CATSPER1: variants seen among roughly 807,000 people sequenced by gnomAD.
CATSPER1 encodes the protein cation channel sperm associated 1, also known as cation channel sperm-associated protein 1.
In CATSPER1, 57 loss-of-function variants were observed where a neutral mutation model predicts 72.7. That is an observed-to-expected ratio of 0.78 (90% CI 0.63 to 0.98). The LOEUF (loss-of-function observed/expected upper bound fraction) is 0.98. Among genes scored for constraint, CATSPER1 ranks in the 50% least tolerant of loss-of-function variants. The probability of loss-of-function intolerance (pLI) is 0.00; values close to 1 mark genes in which losing one functional copy is unlikely to be tolerated. For missense variants in CATSPER1, 910 were observed against 1,033.9 expected (o/e 0.88, Z 1.64); for synonymous variants, 363 against 403.0 (o/e 0.90, Z 1.19).
chr11:66,017,259 C>T lies in CATSPER1; in HGVS notation c.2202-85G>A, dbSNP rs1256884244. On this transcript the variant is annotated intron_variant, in intron 10 of 11. Transcript: ENST00000312106. ...ACTGCACCCCAGAACCACCCAGAGG[C>T]TCTTCTTGCCTGCCTCCTCCCCACA... 1.3e-5 allele frequency: 12 copies of T among 907,996 alleles called. No individual in the cohort carries two copies. The East Asian group carries it at 1.8e-4, about 14-fold the overall frequency. The allele number at this position is 907,996 out of a possible 1,614,324, so 56.2% of individuals were successfully genotyped here. A position where few individuals can be genotyped will look rare whatever the true frequency, so the allele number is the denominator to read the frequency against.
In CATSPER1 at chr11:66,021,127, C is replaced by T. The variant is rs368518822; in HGVS notation, c.1750G>A (p.Ala584Thr). 22 of 1,613,154 alleles carry T rather than the reference C, an allele frequency of 1.4e-5. No homozygotes were observed. In the Middle Eastern group the frequency reaches 5.0e-4, roughly 36 times the overall value. Residue 584 changes from alanine to threonine, a missense_variant, in exon 5 of 12, where the codon GCA becomes ACA. Coordinates refer to ENST00000312106, the MANE Select transcript of CATSPER1 (RefSeq NM_053054.4). Reference sequence around the variant, plus strand: ...GTAAACATGAGGATGAGGATGGCTGCGATGGACGGCAAGGACTGGCCCAGG... The same window carrying T: ...GTAAACATGAGGATGAGGATGGCTGTGATGGACGGCAAGGACTGGCCCAGG... ...GTLGQSLPSIAAILILMFTCL... is the reference protein window; with the variant it reads ...GTLGQSLPSITAILILMFTCL...
chr11:66,021,394 C>T lies in CATSPER1; in HGVS notation c.1691+102G>A. ...GGCTGGGGTCAGCAGCCTCCTGCGC[C>T]CCCATCCCTTGAGCAGGTCACAGTG... On this transcript the variant is annotated intron_variant, in intron 4 of 11. Coordinates refer to ENST00000312106, the MANE Select transcript of CATSPER1 (RefSeq NM_053054.4). The T allele has an allele frequency of 4.1e-6, 6 of 1,461,234 alleles. No homozygotes were observed. The South Asian group carries it at 4.8e-5, about 12-fold the overall frequency. The allele number at this position is 1,461,234 out of a possible 1,614,324, so 90.5% of individuals were successfully genotyped here.
At position 66,017,122 on chromosome 11, in the gene CATSPER1, C is replaced by T. The variant is rs762896072; in HGVS notation, c.2254G>A (p.Glu752Lys). 2.5e-6 allele frequency: 4 copies of T among 1,613,170 alleles called. No individual in the cohort carries two copies. The highest frequency in any genetic ancestry group is 3.4e-6 in the Non-Finnish European group (4 of 1,179,794). ...YLQLVASVEQEQQKFRSQAAV... is the reference protein window; with the variant it reads ...YLQLVASVEQKQQKFRSQAAV... ...GCCTGGGAGCGGAACTTCTGCTGCTCCTGCTCCACGCTTGCCACCAGCTGC... is the reference window on the plus strand; with the variant it reads ...GCCTGGGAGCGGAACTTCTGCTGCTTCTGCTCCACGCTTGCCACCAGCTGC... Residue 752 changes from glutamate (E) to lysine (K), a missense_variant, in exon 11 of 12, where the codon GAG becomes AAG. By Grantham distance (56) the Glu-to-Lys change is moderately conservative. Coordinates refer to ENST00000312106, the MANE Select transcript of CATSPER1 (RefSeq NM_053054.4).
In CATSPER1 at chr11:66,020,548, A is replaced by C. The variant is rs1317781657; in HGVS notation, c.1991+16T>G. The C allele has an allele frequency of 2.5e-6, 4 of 1,608,824 alleles. No individual in the cohort carries two copies. In the East Asian group the frequency reaches 8.9e-5, roughly 36 times the overall value. ...TGTGGGTGGTGCTGGGCAGCAGAGC[A>C]GGGGTGAGTCCTCACTTGAGGAAGA... On this transcript the variant is annotated intron_variant, in intron 7 of 11. Transcript: ENST00000312106. The surrounding 1 kb of genome is among the most constrained non-coding windows in gnomAD (Gnocchi z 4.5).
intron 10 of CATSPER1, among the ~76,000 whole-genome samples, chr11:66,018,540 T>A (rs1311905624): frequency 6.6e-6 from 1 of 152,126 alleles, no homozygotes; most frequent in Non-Finnish European, 1.5e-5. Context: ...CCTCTTTGGG[T>A]CCCTGGAGCC....
intron 1 of CATSPER1, among the ~76,000 whole-genome samples, chr11:66,024,322 G>A (rs1293107769): frequency 2.2e-5 from 3 of 138,620 alleles, no homozygotes; most frequent in East Asian, 2.3e-4. Flanking sequence ...CTGTCACCCC[G>A]GCCGGAGTGC....
intron 10 of CATSPER1, 83 bp downstream of exon 10, chr11:66,018,744 T>C (rs1856290622): frequency 7.1e-7 from 1 of 1,413,644 alleles, no homozygotes; most frequent in Admixed American, 1.7e-5. Flanking sequence ...GGGCAGGCAA[T>C]GTCCCTTTCC....
At position 66,020,638 on chromosome 11, in the gene CATSPER1, C is replaced by T. The variant is rs1486939426; in HGVS notation, c.1928-11G>A. The T allele has an allele frequency of 1.2e-6, 2 of 1,611,090 alleles. No homozygotes were observed. The highest frequency in any genetic ancestry group is 3.3e-5 in the Admixed American group (2 of 59,812). On this transcript the variant is annotated splice_polypyrimidine_tract_variant and intron_variant, in intron 6 of 11. Transcript: ENST00000312106. The surrounding 1 kb of genome is among the most constrained non-coding windows in gnomAD (Gnocchi z 4.5). ...TGATGTACCAGGCGCCTAGGGGGAG[C>T]AGGCCAGAGGGCACAGTCAGGCTGT...
chr11:66,024,368 C>T (rs1856448914), intron 1 of CATSPER1, among the ~76,000 whole-genome samples: 1 of 150,986 alleles, frequency 6.6e-6, no homozygotes, highest in South Asian at 2.1e-4. Flanking sequence ...ACCTCTGCCT[C>T]CTGGGTTCAA....
In CATSPER1 at chr11:66,020,862, A is replaced by AGGTGAAGAG; in HGVS notation, c.1867_1875dup (p.Phe624_Leu626dup). ...AGGGACCAGTCATCCAGCGTGAGCA[A>AGGTGAAGAG]GGTGAAGAGGGTGAAGATGGTGGTG... On this transcript the variant is annotated inframe_insertion, in exon 6 of 12. Coordinates refer to ENST00000312106, the MANE Select transcript of CATSPER1 (RefSeq NM_053054.4). The surrounding 1 kb of genome is among the most constrained non-coding windows in gnomAD (Gnocchi z 4.5). 1 of 1,613,980 alleles carries AGGTGAAGAG rather than the reference A, an allele frequency of 6.2e-7. No individual in the cohort carries two copies. Among genetic ancestry groups the AGGTGAAGAG allele is most frequent in the South Asian group, 1.1e-5 (1 of 91,084 alleles).
At position 66,025,451 on chromosome 11, in the gene CATSPER1, T is replaced by C. The variant is rs769111082; in HGVS notation, c.929A>G (p.His310Arg). 3 of 1,612,992 alleles carry C rather than the reference T, an allele frequency of 1.9e-6. No homozygotes were observed. In the South Asian group the frequency reaches 3.3e-5, roughly 18 times the overall value. ...HQHQDHHGAY[H>R]SSYLHGDYVQ... The stretch of plus-strand genomic sequence containing the variant: ...GTAGTCGCCATGGAGGTAACTGGAA[T>C]GATACGCGCCGTGGTGGTCTTGGTG... Residue 310 changes from histidine (H) to arginine (R), a missense_variant, in exon 1 of 12, where the codon CAT becomes CGT. Physicochemically the swap from His to Arg is conservative, Grantham distance 29 (BLOSUM62 0). Coordinates refer to ENST00000312106, the MANE Select transcript of CATSPER1 (RefSeq NM_053054.4).
rs908159033 is a variant in CATSPER1 at position 66,026,156 on chromosome 11, A to G, written c.224T>C (p.Val75Ala). Residue 75 changes from valine (V) to alanine (A), a missense_variant, in exon 1 of 12, where the codon GTC (valine) becomes GCC (alanine). By Grantham distance (64) the Val-to-Ala change is moderately conservative. Coordinates refer to ENST00000312106, the MANE Select transcript of CATSPER1 (RefSeq NM_053054.4). ...DFHDQALSSH[V>A]HQSHHHSEAR... ...CTCGCTGTGGTGGTGAGATTGGTGG[A>G]CATGGGAGGACAAGGCTTGGTCGTG... is the stretch of plus-strand genomic sequence containing the variant. 15 of 1,605,602 alleles carry G rather than the reference A, an allele frequency of 9.3e-6. No homozygotes were observed. The highest frequency in any genetic ancestry group is 1.3e-5 in the Non-Finnish European group (15 of 1,173,122).
At position 66,025,368 on chromosome 11, in the gene CATSPER1, C is replaced by T. The variant is rs1212413007; in HGVS notation, c.1012G>A (p.Ala338Thr). The T allele has an allele frequency of 6.2e-7, 1 of 1,614,064 alleles. No individual in the cohort carries two copies. The change falls in exon 1 of 12, where the codon GCC (alanine) becomes ACC (threonine). Residue 338 changes from alanine to threonine, a missense_variant. By Grantham distance (58) the Ala-to-Thr change is moderately conservative. Transcript: ENST00000312106. ...PHTSRSLIHDAPGPAASRTGV... is the reference protein window; with the variant it reads ...PHTSRSLIHDTPGPAASRTGV... Reference sequence around the variant, plus strand: ...GTACGAGAAGCAGCAGGGCCGGGGGCATCGTGAATCAGGCTCCGGGATGTG... The same window carrying T: ...GTACGAGAAGCAGCAGGGCCGGGGGTATCGTGAATCAGGCTCCGGGATGTG...
At position 66,018,720 on chromosome 11, in the gene CATSPER1, A is replaced by G. The variant is rs576418096; in HGVS notation, c.2201+107T>C. The G allele has an allele frequency of 2.4e-6, 3 of 1,242,960 alleles. No homozygotes were observed. The African/African-American group carries it at 4.4e-5, about 18-fold the overall frequency. 77.0% of individuals were successfully genotyped at this position (1,242,960 alleles called of 1,614,324 possible). A position where few individuals can be genotyped will look rare whatever the true frequency, so the allele number is the denominator to read the frequency against. ...GCTCATCCACAAGCCTCAGCGCTCC[A>G]TCCCCTTCTAGAGGGGCAGGCAATG... On this transcript the variant is annotated intron_variant, in intron 10 of 11. Transcript: ENST00000312106.
rs769329513 is a variant in CATSPER1 at position 66,026,106 on chromosome 11, C to CAA, written c.273_274insTT (p.Gly92LeufsTer244). ...GGAGCCAGACCAAAGCCTGTGGGGCCATGGGCTCTGCCGTGATTCCGTGCC... is the reference window on the plus strand; with the variant it reads ...GGAGCCAGACCAAAGCCTGTGGGGCCAAATGGGCTCTGCCGTGATTCCGTGCC... On this transcript the variant is annotated frameshift_variant, in exon 1 of 12. Coordinates refer to ENST00000312106, the MANE Select transcript of CATSPER1 (RefSeq NM_053054.4). LOFTEE classifies it high-confidence loss of function. The CAA allele has an allele frequency of 2.6e-5, 42 of 1,610,710 alleles. No homozygotes were observed. In the East Asian group the frequency reaches 9.2e-4, roughly 35 times the overall value.
chr11:66,019,993 T>C (rs1856320039), intron 9 of CATSPER1, 147 bp downstream of exon 9: 1 of 655,826 alleles, frequency 1.5e-6, no homozygotes. Context: ...TCTAGGGTCC[T>C]CTGGACTAAA....
At position 66,020,308 on chromosome 11, in the gene CATSPER1, A is replaced by C; in HGVS notation, c.2064+9T>G. The stretch of plus-strand genomic sequence containing the variant: ...TGATCTGGTCCACCTGTCCCACCCC[A>C]CTCGGTACCTCCTGCTTCGCTTTCT... On this transcript the variant is annotated intron_variant, in intron 8 of 11. Transcript: ENST00000312106. This position sits in a 1 kb window ranked among gnomAD's most constrained non-coding sequence, Gnocchi z 4.5. 1 of 1,613,700 alleles carries C rather than the reference A, an allele frequency of 6.2e-7. No homozygotes were observed. Among genetic ancestry groups the C allele is most frequent in the Non-Finnish European group, 8.5e-7 (1 of 1,179,930 alleles).
In CATSPER1 at chr11:66,017,193, G is replaced by GGGGGGGGGGGCCCC; in HGVS notation, c.2202-20_2202-19insGGGGCCCCCCCCCC. On this transcript the variant is annotated intron_variant, in intron 10 of 11. Coordinates refer to ENST00000312106, the MANE Select transcript of CATSPER1 (RefSeq NM_053054.4). Reference sequence around the variant, plus strand: ...CTGCTGCCTGCGGGTGGGCGGGGGGGTCGCAGAGACAGGGGCTGGGCTGAC... The same window carrying GGGGGGGGGGGCCCC: ...CTGCTGCCTGCGGGTGGGCGGGGGGGGGGGGGGGGGCCCCTCGCAGAGACAGGGGCTGGGCTGAC... 8 of 493,776 alleles carry GGGGGGGGGGGCCCC rather than the reference G, an allele frequency of 1.6e-5. No homozygotes were observed. Among genetic ancestry groups the GGGGGGGGGGGCCCC allele is most frequent in the Non-Finnish European group, 2.8e-5 (7 of 252,598 alleles). The allele number at this position is 493,776 out of a possible 1,614,324, so 30.6% of individuals were successfully genotyped here.
In CATSPER1 at chr11:66,018,957, A is replaced by T. The variant is rs1856297199; in HGVS notation, c.2126-55T>A. ...AGGCCTGGATTTGGAGAGGAGGCAG[A>T]GGAACCCCATGTGTCAGGAAGATAA... On this transcript the variant is annotated intron_variant, in intron 9 of 11. Coordinates refer to ENST00000312106, the MANE Select transcript of CATSPER1 (RefSeq NM_053054.4). 2.9e-5 allele frequency: 42 copies of T among 1,446,784 alleles called. 1 individual carries two copies. The South Asian group carries it at 4.8e-4, about 17-fold the overall frequency. The allele number at this position is 1,446,784 out of a possible 1,614,324, so 89.6% of individuals were successfully genotyped here.
Sources: gnomAD v4.1 joint callset for allele counts (sites outside exome capture counted in the v4.1 genomes callset) on GRCh38, gnomAD v4.1.1 for gene constraint, Gnocchi (gnomAD v3.1) non-coding constraint, MANE v1.5 for transcripts, NCBI Gene and HGNC (gene_info 2026-07-23, HGNC 2026-07-21) for gene names.